ZSCAN31: variants seen among roughly 807,000 people sequenced by gnomAD.
ZSCAN31 encodes the protein zinc finger and SCAN domain containing 31, also known as zinc finger and SCAN domain-containing protein 31.
Under a neutral mutation model 22.5 loss-of-function variants are expected in ZSCAN31, and 14 were observed. The observed-to-expected ratio is 0.62, with a 90% CI of 0.41 to 0.97. The LOEUF is 0.97. Ranked by LOEUF, ZSCAN31 falls within the 50% of genes least tolerant of loss-of-function variation. ZSCAN31 has a pLI of 0.00. For missense variants in ZSCAN31, 424 were observed against 483.4 expected (o/e 0.88, Z 1.15); for synonymous variants, 168 against 169.8 (o/e 0.99, Z 0.08).
chr6:28,352,253 C>T (rs1765084029), intron 2 of ZSCAN31, among the ~76,000 whole-genome samples: 1 of 152,130 alleles, frequency 6.6e-6, no homozygotes. Context: ...ATCAGAATGA[C>T]CTAGAAAGTT....
At chr6:28,332,584 C>A (rs1763840611) in intron 1 of ZSCAN31, among the ~76,000 whole-genome samples, 1 of 152,192 alleles carries the variant, frequency 6.6e-6, no homozygotes, top group African/African-American at 2.4e-5. Flanking sequence ...GCAATCATTA[C>A]ATAAATATCA....
chr6:28,354,591 C>G (rs1293922274), upstream of ZSCAN31, among the ~76,000 whole-genome samples: 1 of 152,242 alleles, frequency 6.6e-6, no homozygotes, highest in Non-Finnish European at 1.5e-5. Flanking sequence ...AAGCCTGACA[C>G]ATAAGCTCTG....
rs1375683423 is a variant in ZSCAN31, at chr6:28,333,229, T to C, written c.-96+2853A>G. ...GGTAGTTGACTGCTGACTCAGCTTATGACTTTATCAGCAACTAAGGCCCAG... is the reference window on the plus strand; with the variant it reads ...GGTAGTTGACTGCTGACTCAGCTTACGACTTTATCAGCAACTAAGGCCCAG... On this transcript the variant is annotated intron_variant, in intron 1 of 3. Coordinates refer to ENST00000344279, the MANE Select transcript of ZSCAN31 (RefSeq NM_030899.5). This position sits in a 1 kb window ranked among gnomAD's most constrained non-coding sequence, Gnocchi z 4.1. Among the ~76,000 whole-genome samples, 1 of 152,242 alleles carries C rather than the reference T, an allele frequency of 6.6e-6. No homozygotes were observed. Among genetic ancestry groups the C allele is most frequent in the Non-Finnish European group, 1.5e-5 (1 of 68,042 alleles).
upstream of ZSCAN31, among the ~76,000 whole-genome samples, chr6:28,355,002 G>A (rs993039622): frequency 2.6e-5 from 4 of 152,212 alleles, no homozygotes; most frequent in Non-Finnish European, 2.9e-5. Context: ...TCAAACCATA[G>A]GGTGTTGGTA....
chr6:28,332,333 G>C (rs889759416), intron 1 of ZSCAN31: 1 of 152,148 alleles, frequency 6.6e-6, no homozygotes, highest in African/African-American at 2.4e-5. Flanking sequence ...TGATTTATTC[G>C]ATTAAATGCA....
upstream of ZSCAN31, among the ~76,000 whole-genome samples, chr6:28,338,355 C>T (rs1484234475): frequency 3.3e-5 from 5 of 152,068 alleles, no homozygotes; most frequent in East Asian, 1.9e-4. Flanking sequence ...TGCACTCCAG[C>T]GTGGCTGACA....
rs534370766 is a variant in ZSCAN31, at chr6:28,347,107, C to T, written c.-370-5315G>A. On this transcript the variant is annotated intron_variant, in intron 2 of 7. Transcript: ENST00000396838. The surrounding 1 kb of genome is among the most constrained non-coding windows in gnomAD (Gnocchi z 5.2). ...AGGCAATTCTTAAGGACTGTCCCAT[C>T]CCTTGAGCTCCTGAGAGGATCAGCT... Among the ~76,000 whole-genome samples, 1 of 152,324 alleles carries T rather than the reference C, an allele frequency of 6.6e-6. No individual in the cohort carries two copies. The highest frequency in any genetic ancestry group is 2.4e-5 in the African/African-American group (1 of 41,568).
chr6:28,343,542 C>CTTTTTTTTTTTTTTTTTTTT (rs34131321), intron 2 of ZSCAN31, among the ~76,000 whole-genome samples: 6 of 105,874 alleles, frequency 5.7e-5, no homozygotes, highest in Non-Finnish European at 8.9e-5. Flanking sequence ...TTTTTTCTTT[C>CTTTTTTTTTTTTTTTTTTTT]TTTTTTTTTT....
intron 2 of ZSCAN31, chr6:28,353,408 C>T (rs1459311692): frequency 1.3e-5 from 2 of 154,754 alleles, no homozygotes; most frequent in Admixed American, 6.4e-5. Context: ...TCAGGTTTCC[C>T]TTCCCTCTTA....
rs1475232520 is a variant in ZSCAN31, at chr6:28,325,742, G to C, written c.*424C>G. On this transcript the variant is annotated 3_prime_UTR_variant, in exon 4 of 4. Transcript: ENST00000344279. ...CACCTCTGAATATCCTTTGATCTTAGCAAATCTTTTTTTTAAAAGTATACA... is the reference window on the plus strand; with the variant it reads ...CACCTCTGAATATCCTTTGATCTTACCAAATCTTTTTTTTAAAAGTATACA... 6.5e-6 allele frequency: 1 copy of C among 154,754 alleles called. No individual in the cohort carries two copies. Among genetic ancestry groups the C allele is most frequent in the African/African-American group, 2.4e-5 (1 of 41,424 alleles). The allele number at this position is 154,754 out of a possible 1,614,324, so 9.6% of individuals were successfully genotyped here. A position where few individuals can be genotyped will look rare whatever the true frequency, so the allele number is the denominator to read the frequency against.
rs572445414 is a variant in ZSCAN31 at position 28,349,362 on chromosome 6, A to G, written c.-371+4500T>C. ...GTGATAGATGTCTTTTAAAAATTCT[A>G]TTTTTATAATTTTGATGGAGAATGT... On this transcript the variant is annotated intron_variant, in intron 2 of 7. Coordinates refer to the ZSCAN31 transcript ENST00000396838. This position sits in a 1 kb window ranked among gnomAD's most constrained non-coding sequence, Gnocchi z 4.1. 1.7e-4 allele frequency among the ~76,000 whole-genome samples: 26 copies of G among 152,074 alleles called. No individual in the cohort carries two copies. Among genetic ancestry groups the G allele is most frequent in the Non-Finnish European group, 3.2e-4 (22 of 67,982 alleles).
upstream of ZSCAN31, among the ~76,000 whole-genome samples, chr6:28,338,809 A>G (rs1451045178): frequency 6.6e-6 from 1 of 152,258 alleles, no homozygotes; most frequent in East Asian, 1.9e-4. Flanking sequence ...TAGAAAGAAT[A>G]AAAAGTTAAT....
At chr6:28,335,620 A>G (rs1377837274) in intron 1 of ZSCAN31, among the ~76,000 whole-genome samples, 2 of 152,092 alleles carry the variant, frequency 1.3e-5, no homozygotes, top group African/African-American at 2.4e-5. Flanking sequence ...AGCAGCAGCT[A>G]TGAATCATCA....
rs1765054408 is a variant in ZSCAN31 at position 28,351,922 on chromosome 6, AC to A, written c.-371+1939del. On this transcript the variant is annotated intron_variant, in intron 2 of 7. Coordinates refer to the ZSCAN31 transcript ENST00000396838. This position sits in a 1 kb window ranked among gnomAD's most constrained non-coding sequence, Gnocchi z 4.6. ...ATCATGATCACACGCAAAAAAATTG[AC>A]AATAATTCCTTGATATCATTATCTT... is the stretch of plus-strand genomic sequence containing the variant. Among the ~76,000 whole-genome samples the A allele has an allele frequency of 6.6e-6, 1 of 152,124 alleles. No homozygotes were observed. The highest frequency in any genetic ancestry group is 2.4e-5 in the African/African-American group (1 of 41,440).
intron 2 of ZSCAN31, among the ~76,000 whole-genome samples, chr6:28,346,704 A>G (rs142452772): frequency 2.0e-5 from 3 of 152,264 alleles, no homozygotes; most frequent in Non-Finnish European, 2.9e-5. Context: ...AGCAGCCACA[A>G]TTGAGAGGAA....
Position 28,326,181 on chromosome 6 carries a change from A to T in ZSCAN31, c.1206T>A (p.Thr402=), listed in dbSNP as rs139357310. 128 of 1,610,496 alleles carry T rather than the reference A, an allele frequency of 7.9e-5. No individual in the cohort carries two copies. The highest frequency in any genetic ancestry group is 1.8e-4 in the South Asian group (16 of 90,942). ...TLLKKHQKIH[T]GERP ...CTCATCACCCTTATGGTCTCTCTCC[A>T]GTGTGGATTTTCTGATGTTTCTTAA... Residue 402 remains threonine (T), a synonymous_variant, in exon 4 of 4, where the codon ACT becomes ACA. Coordinates refer to ENST00000344279, the MANE Select transcript of ZSCAN31 (RefSeq NM_030899.5).
chr6:28,344,517 ACTAT>A (rs1319350789), intron 2 of ZSCAN31, among the ~76,000 whole-genome samples: 16 of 152,326 alleles, frequency 1.1e-4, no homozygotes, highest in Admixed American at 7.2e-4. Context: ...CATCCCTGTG[ACTAT>A]CTGAGTGTGT....
rs1764692067 is a variant in ZSCAN31, at chr6:28,347,572, TTTTG to T, written c.-370-5784_-370-5781del. 6.6e-6 allele frequency among the ~76,000 whole-genome samples: 1 copy of T among 152,200 alleles called. No individual in the cohort carries two copies. Among genetic ancestry groups the T allele is most frequent in the Admixed American group, 6.5e-5 (1 of 15,274 alleles). On this transcript the variant is annotated intron_variant, in intron 2 of 7. Coordinates refer to the ZSCAN31 transcript ENST00000396838. This position sits in a 1 kb window ranked among gnomAD's most constrained non-coding sequence, Gnocchi z 5.2. ...TATTCTGCTTAATTCTTTTGTTTGTTTTTGTTTATTATTATTATTTTTTTGGCTC... is the reference window on the plus strand; with the variant it reads ...TATTCTGCTTAATTCTTTTGTTTGTTTTTATTATTATTATTTTTTTGGCTC...
rs368363542 is a variant in ZSCAN31 at position 28,349,256 on chromosome 6, G to T, written c.-371+4606C>A. Among the ~76,000 whole-genome samples the T allele has an allele frequency of 1.3e-5, 2 of 149,706 alleles. No individual in the cohort carries two copies. Among genetic ancestry groups the T allele is most frequent in the African/African-American group, 4.9e-5 (2 of 40,864 alleles). On this transcript the variant is annotated intron_variant, in intron 2 of 7. Coordinates refer to the ZSCAN31 transcript ENST00000396838. The surrounding 1 kb of genome is among the most constrained non-coding windows in gnomAD (Gnocchi z 4.1). ...GTATATATATGTCTCATATATATAG[G>T]TATATATTTCAACTACTTATCCCTA...
Sources: allele counts gnomAD v4.1 joint callset (sites outside exome capture counted in the v4.1 genomes callset), GRCh38; gene constraint gnomAD v4.1.1; non-coding constraint Gnocchi (gnomAD v3.1); transcripts MANE v1.5; gene names NCBI Gene and HGNC (gene_info 2026-07-23, HGNC 2026-07-21).